The following MACROD2 variants were observed in gnomAD, a reference collection of about 807,000 sequenced individuals.
The protein encoded by MACROD2 is ADP-ribose glycohydrolase MACROD2.
In MACROD2, 36 loss-of-function variants were observed where a neutral mutation model predicts 70.4. That is an observed-to-expected ratio of 0.51 (90% CI 0.39 to 0.68). MACROD2 has a LOEUF of 0.68. Among genes scored for constraint, MACROD2 ranks in the 30% least tolerant of loss-of-function variants. MACROD2 has a pLI of 0.00. For missense variants in MACROD2, 496 were observed against 538.4 expected (o/e 0.92, Z 0.78); for synonymous variants, 172 against 178.8 (o/e 0.96, Z 0.30).
chr20:15,124,593 G>A (rs1196711649), intron 5 of MACROD2, among the ~76,000 whole-genome samples: 4 of 151,744 alleles, frequency 2.6e-5, no homozygotes, highest in African/African-American at 9.7e-5. Context: ...AATTACTACA[G>A]TTTTACTTTA....
intron 3 of MACROD2, among the ~76,000 whole-genome samples, chr20:14,280,692 A>G (rs573093821): frequency 8.9e-4 from 135 of 152,300 alleles, no homozygotes; most frequent in African/African-American, 3.1e-3. Context: ...GCAGTTTATA[A>G]AAGCAATAAA....
chr20:14,517,654 T>C (rs550204481), intron 4 of MACROD2, among the ~76,000 whole-genome samples: 1 of 152,178 alleles, frequency 6.6e-6, no homozygotes, highest in African/African-American at 2.4e-5. Flanking sequence ...ACCTGCATGT[T>C]CTGCACATGT....
intron 8 of MACROD2, among the ~76,000 whole-genome samples, chr20:15,808,178 G>A (rs542587469): frequency 5.3e-5 from 8 of 152,280 alleles, no homozygotes; most frequent in South Asian, 4.1e-4. Context: ...GAGTCTTGCC[G>A]ATGCTCCCGG....
rs191510801 is a variant in MACROD2, at chr20:14,741,068, T to C, written c.418+56109T>C. 2.6e-5 allele frequency among the ~76,000 whole-genome samples: 4 copies of C among 152,304 alleles called. No homozygotes were observed. The East Asian group carries it at 7.7e-4, about 29-fold the overall frequency. On this transcript the variant is annotated intron_variant, in intron 5 of 17. Coordinates refer to ENST00000684519, the MANE Select transcript of MACROD2 (RefSeq NM_001351661.2). ...AATCTGACTTATTCATTTAAAAGCT[T>C]TAACACAAAATGGACAGTGTTCATT...
intron 3 of MACROD2, among the ~76,000 whole-genome samples, chr20:14,274,084 C>T (rs1022250343): frequency 4.3e-4 from 65 of 152,178 alleles, no homozygotes; most frequent in Non-Finnish European, 8.7e-4. Context: ...GAACTGGTAC[C>T]ATTCCTTCTG....
intron 8 of MACROD2, among the ~76,000 whole-genome samples, chr20:15,775,294 G>A (rs2051703202): frequency 6.6e-6 from 1 of 152,072 alleles, no homozygotes; most frequent in Non-Finnish European, 1.5e-5. Context: ...AACATCAATA[G>A]GTGAAGCCAA....
intron 5 of MACROD2, among the ~76,000 whole-genome samples, chr20:14,717,239 T>C (rs2071407272): frequency 6.6e-6 from 1 of 152,134 alleles, no homozygotes; most frequent in Admixed American, 6.5e-5. Flanking sequence ...TATTTGGAAG[T>C]TTACAGTTGT....
chr20:15,763,731 G>T (rs926405816), intron 8 of MACROD2, among the ~76,000 whole-genome samples: 2 of 152,130 alleles, frequency 1.3e-5, no homozygotes, highest in East Asian at 3.9e-4. Flanking sequence ...CATGCTTTCT[G>T]CTAACTCAAC....
chr20:14,175,686 A>G (rs2081257985), intron 3 of MACROD2, among the ~76,000 whole-genome samples: 1 of 152,132 alleles, frequency 6.6e-6, no homozygotes, highest in Admixed American at 6.5e-5. Flanking sequence ...AGATGAGATA[A>G]TCTCTGGCAA....
intron 8 of MACROD2, among the ~76,000 whole-genome samples, chr20:15,578,701 A>G (rs1321464192): frequency 1.3e-5 from 2 of 152,218 alleles, no homozygotes; most frequent in African/African-American, 4.8e-5. Context: ...CGATAATATT[A>G]TTTTCCTGAA....
intron 6 of MACROD2, among the ~76,000 whole-genome samples, chr20:15,293,872 C>T (rs1011166034): frequency 6.6e-6 from 1 of 152,128 alleles, no homozygotes; most frequent in African/African-American, 2.4e-5. Flanking sequence ...AATCCCAGCA[C>T]TTTGGGAGGC....
At chr20:14,094,342 G>A (rs1039201070) in intron 3 of MACROD2, among the ~76,000 whole-genome samples, 37 of 152,166 alleles carry the variant, frequency 2.4e-4, no homozygotes, top group African/African-American at 8.2e-4. Flanking sequence ...CAGACAAATA[G>A]AATCAAAGTG....
In MACROD2 at chr20:14,493,489, T is replaced by A; in HGVS notation, c.282T>A (p.Ser94Arg). 3 of 1,609,202 alleles carry A rather than the reference T, an allele frequency of 1.9e-6. No homozygotes were observed. The highest frequency in any genetic ancestry group is 2.5e-6 in the Non-Finnish European group (3 of 1,176,674). The change falls in exon 4 of 18, where the codon AGT becomes AGA. Residue 94 changes from serine to arginine, a missense_variant. Ser to Arg is a moderately radical substitution (Grantham distance 110). Transcript: ENST00000684519. Reference sequence around the variant, plus strand: ...TTTTGTTTTAAACAGCAAATGCCAGTCTTCTTGGAGGAGGAGGTGGTAAGT... The same window carrying A: ...TTTTGTTTTAAACAGCAAATGCCAGACTTCTTGGAGGAGGAGGTGGTAAGT... ...VDAIVNAANA[S>R]LLGGGGVDGC...
At chr20:15,121,250 G>A (rs6043102) in intron 5 of MACROD2, among the ~76,000 whole-genome samples, 89,957 of 152,048 alleles carry the variant, frequency 0.59, 28,705 homozygotes, top group East Asian at 0.87. Flanking sequence ...AGTGGCTCAC[G>A]CCTGTAATCC....
intron 8 of MACROD2, among the ~76,000 whole-genome samples, chr20:15,784,547 A>C (rs566416782): frequency 1.3e-3 from 191 of 152,244 alleles, no homozygotes; most frequent in African/African-American, 4.4e-3. Flanking sequence ...TATACATCTT[A>C]TTTTTAAACT....
At position 15,094,978 on chromosome 20, in the gene MACROD2, C is replaced by G. The variant is rs188453936; in HGVS notation, c.419-134962C>G. ...GTGACCCTGAGCAAGTCACTAAGGT[C>G]TCTGGGTCACACTTTCTTCAAAGAC... On this transcript the variant is annotated intron_variant, in intron 5 of 17. Transcript: ENST00000684519. Among the ~76,000 whole-genome samples the G allele has an allele frequency of 6.1e-3, 911 of 149,950 alleles. 10 individuals are homozygous for G. Among genetic ancestry groups the G allele is most frequent in the African/African-American group, 0.022 (889 of 40,792 alleles).
chr20:14,852,111 C>G (rs1048967122), intron 5 of MACROD2, among the ~76,000 whole-genome samples: 2 of 152,222 alleles, frequency 1.3e-5, no homozygotes, highest in South Asian at 4.1e-4. Flanking sequence ...AGTGAGCCCT[C>G]TGGAACACTC....
chr20:15,149,439 C>G (rs2076253091), intron 5 of MACROD2, among the ~76,000 whole-genome samples: 1 of 151,764 alleles, frequency 6.6e-6, no homozygotes, highest in Non-Finnish European at 1.5e-5. Context: ...TCAGGTGGAT[C>G]AGAGAGATGC....
At chr20:15,679,008 A>G (rs942527549) in intron 8 of MACROD2, among the ~76,000 whole-genome samples, 1 of 152,114 alleles carries the variant, frequency 6.6e-6, no homozygotes, top group Admixed American at 6.5e-5. Context: ...AGGCTGAGGC[A>G]GGCAGATCAC....
Sources: allele counts gnomAD v4.1 joint callset (sites outside exome capture counted in the v4.1 genomes callset), GRCh38; gene constraint gnomAD v4.1.1; transcripts MANE v1.5; gene names NCBI Gene and HGNC (gene_info 2026-07-23, HGNC 2026-07-21).